The following FLNB variants were observed in gnomAD, a reference collection of about 807,000 sequenced individuals.
The protein encoded by FLNB is filamin-B.
FLNB carries 111 observed loss-of-function variants against 250.6 expected under a neutral mutation model. That is an observed-to-expected ratio of 0.44 (90% CI 0.38 to 0.52). The LOEUF (loss-of-function observed/expected upper bound fraction) is 0.52. Among genes scored for constraint, FLNB ranks in the 20% least tolerant of loss-of-function variants. The pLI, the probability that FLNB is intolerant of heterozygous loss-of-function variation, is 0.00. For missense variants in FLNB, 2,869 were observed against 3,447.8 expected, an observed-to-expected ratio of 0.83 and a Z score of 4.20; for synonymous variants, 1,302 against 1,372.1, an observed-to-expected ratio of 0.95 and a Z score of 1.13.
chr3:58,031,674 C>T (rs1488720670), intron 1 of FLNB, among the ~76,000 whole-genome samples: 1 of 150,778 alleles, frequency 6.6e-6, no homozygotes, highest in Non-Finnish European at 1.5e-5. Flanking sequence ...ACCTCAGCCT[C>T]CTGAGTAGCT....
intron 2 of FLNB, 121 bp downstream of exon 2, chr3:58,077,415 C>G: frequency 1.5e-6 from 2 of 1,295,068 alleles, no homozygotes; most frequent in East Asian, 2.4e-5. Flanking sequence ...CAGGTCTTAG[C>G]CCATTATAAG....
At chr3:58,099,354 C>G (rs1001639811) in intron 8 of FLNB, among the ~76,000 whole-genome samples, 1 of 152,182 alleles carries the variant, frequency 6.6e-6, no homozygotes, top group South Asian at 2.1e-4. Flanking sequence ...TTATCCCTAG[C>G]TTGCAGGTGG....
At chr3:58,148,391 G>A in intron 35 of FLNB, 27 bp downstream of exon 35, 1 of 1,607,206 alleles carries the variant, frequency 6.2e-7, no homozygotes. Flanking sequence ...TTCCTGGCTG[G>A]AGCCAGGACA....
chr3:58,088,038 CTTTTTTT>C (rs56009116), intron 4 of FLNB, among the ~76,000 whole-genome samples: 5 of 84,528 alleles, frequency 5.9e-5, no homozygotes, highest in Non-Finnish European at 6.4e-5. Flanking sequence ...GGCGCCCAGC[CTTTTTTT>C]TTTTTTTTTT....
At chr3:58,087,184 A>G (rs1466138351) in intron 4 of FLNB, among the ~76,000 whole-genome samples, 1 of 152,218 alleles carries the variant, frequency 6.6e-6, no homozygotes, top group Non-Finnish European at 1.5e-5. Context: ...CATGATATTT[A>G]TAAGATAATT....
intron 32 of FLNB, among the ~76,000 whole-genome samples, chr3:58,145,545 GGCAAATGGCCTTCCAAAA>G (rs2097334469): frequency 6.6e-6 from 1 of 152,146 alleles, no homozygotes; most frequent in Non-Finnish European, 1.5e-5. Flanking sequence ...GAATGGCATG[GGCAAATGGCCTTCCAAAA>G]GCCCTTTCCA....
intron 29 of FLNB, among the ~76,000 whole-genome samples, chr3:58,141,604 C>A (rs146813046): frequency 5.3e-5 from 8 of 152,342 alleles, no homozygotes; most frequent in Non-Finnish European, 7.3e-5. Flanking sequence ...CATCAATTAA[C>A]TATGGAGTCT....
chr3:58,065,370 T>A (rs572309823), intron 1 of FLNB, among the ~76,000 whole-genome samples: 1 of 152,218 alleles, frequency 6.6e-6, no homozygotes, highest in Non-Finnish European at 1.5e-5. Context: ...CAAGTTGTTA[T>A]GAGATGATGT....
In FLNB at chr3:58,153,670, G is replaced by T. The variant is rs113600161; in HGVS notation, c.6634+29G>T. 5.7e-3 allele frequency: 9,138 copies of T among 1,613,116 alleles called. 424 individuals are homozygous for T. The African/African-American group carries it at 0.1, about 18-fold the overall frequency. ...AGCATTGCGGGCAGGATTTTCACTT[G>T]GGAAGAATAGAGTTGAGCCCAGGCA... On this transcript the variant is annotated intron_variant, in intron 39 of 45. Transcript: ENST00000295956.
chr3:58,030,393 T>C (rs1198169287), intron 1 of FLNB, among the ~76,000 whole-genome samples: 2 of 152,150 alleles, frequency 1.3e-5, no homozygotes, highest in Non-Finnish European at 2.9e-5. Flanking sequence ...AACCCAAGTT[T>C]TTTGGGTCTC....
chr3:58,077,326 C>T (rs752106804), intron 2 of FLNB, 32 bp downstream of exon 2: 9 of 1,610,954 alleles, frequency 5.6e-6, no homozygotes, highest in Non-Finnish European at 4.2e-6. Context: ...AACCATCTGT[C>T]CAGGATGGGG....
intron 22 of FLNB, 112 bp from the exon 23 acceptor site, chr3:58,125,469 A>G: frequency 3.2e-6 from 4 of 1,249,664 alleles, no homozygotes; most frequent in South Asian, 2.5e-5. Flanking sequence ...TCCAAATAAC[A>G]TAGTATAGCA....
At chr3:58,110,904 C>G (rs926236756) in intron 16 of FLNB, among the ~76,000 whole-genome samples, 2 of 152,172 alleles carry the variant, frequency 1.3e-5, no homozygotes, top group African/African-American at 4.8e-5. Flanking sequence ...GGGAAGTTGT[C>G]TTGAGAACAC....
intron 8 of FLNB, among the ~76,000 whole-genome samples, chr3:58,100,373 A>ATATATATCTATATATATATATATATATAT (rs1553696152): frequency 9.6e-6 from 1 of 104,386 alleles, no homozygotes; most frequent in Non-Finnish European, 1.8e-5. Context: ...GTAAAAAAAA[A>ATATATATCTATATATATATATATATATAT]ATATATATAT....
chr3:58,035,246 A>G lies in FLNB; in HGVS notation c.292+26390A>G, dbSNP rs1016689827. On this transcript the variant is annotated intron_variant, in intron 1 of 45. Transcript: ENST00000295956. ...TCACAGGCAGATCAAACAGGAAAAC[A>G]AAAACAAAACCAAACCCAAAATACA... 8.5e-5 allele frequency among the ~76,000 whole-genome samples: 13 copies of G among 152,374 alleles called. No individual in the cohort carries two copies. The South Asian group carries it at 2.7e-3, about 32-fold the overall frequency.
rs1367251833 is a variant in FLNB, at chr3:58,118,914, C to T, written c.2788C>T (p.Pro930Ser). 2.5e-6 allele frequency: 4 copies of T among 1,613,874 alleles called. No individual in the cohort carries two copies. Among genetic ancestry groups the T allele is most frequent in the African/African-American group, 2.7e-5 (2 of 74,840 alleles). The change falls in exon 19 of 46, where the codon CCT (proline) becomes TCT (serine). Residue 930 changes from proline (P) to serine (S), a missense_variant. Pro to Ser is a moderately conservative substitution (Grantham distance 74). Transcript: ENST00000295956. ...GGTGACTTACGGTGGCGATCCCATC[C>T]CTAAAAGCCCTTTCACTGTGGGTGT... ...VLVTYGGDPIPKSPFTVGVAA... is the reference protein window; with the variant it reads ...VLVTYGGDPISKSPFTVGVAA...
In FLNB at chr3:58,124,436, T is replaced by G. The variant is rs750935162; in HGVS notation, c.3829T>G (p.Ser1277Ala). 6.2e-7 allele frequency: 1 copy of G among 1,614,182 alleles called. No homozygotes were observed. ...KAHIANPSGA[S>A]TECFVTDNAD... The stretch of plus-strand genomic sequence containing the variant: ...CCACATTGCCAACCCCTCAGGGGCC[T>G]CCACCGAGTGCTTTGTCACAGACAA... The change falls in exon 22 of 46, where the codon TCC becomes GCC. Residue 1277 changes from serine to alanine, a missense_variant. Ser to Ala is a moderately conservative substitution (Grantham distance 99). Coordinates refer to ENST00000295956, the MANE Select transcript of FLNB (RefSeq NM_001457.4).
At chr3:58,046,784 G>A (rs1460972597) in intron 1 of FLNB, among the ~76,000 whole-genome samples, 1 of 152,080 alleles carries the variant, frequency 6.6e-6, no homozygotes, top group African/African-American at 2.4e-5. Flanking sequence ...TCCATTAGCA[G>A]TCACTCTCCC....
chr3:58,136,729 G>T (rs1575445268), intron 28 of FLNB, among the ~76,000 whole-genome samples: 1 of 135,366 alleles, frequency 7.4e-6, no homozygotes, highest in Non-Finnish European at 1.5e-5. Context: ...CACAACTATT[G>T]ACTGTCACAG....
Sources: allele counts gnomAD v4.1 joint callset (sites outside exome capture counted in the v4.1 genomes callset), GRCh38; gene constraint gnomAD v4.1.1; transcripts MANE v1.5; gene names NCBI Gene and HGNC (gene_info 2026-07-23, HGNC 2026-07-21).